Variants in MBOAT2 observed in about 807,000 individuals in gnomAD.
MBOAT2 encodes the protein membrane-bound glycerophospholipid O-acyltransferase 2.
In MBOAT2, 28 loss-of-function variants were observed where a neutral mutation model predicts 63.4. The observed-to-expected ratio is 0.44, with a 90% confidence interval of 0.33 to 0.61. MBOAT2 has a LOEUF of 0.61. Ranked by LOEUF, MBOAT2 falls within the 20% of genes least tolerant of loss-of-function variation. The pLI, the probability that MBOAT2 is intolerant of heterozygous loss-of-function variation, is 0.03. For synonymous variants in MBOAT2, 211 were observed against 215.6 expected (o/e 0.98, Z 0.19); for missense variants, 470 against 605.8 (o/e 0.78, Z 2.35).
At chr2:8,965,939 C>T (rs911549586) in intron 1 of MBOAT2, among the ~76,000 whole-genome samples, 1 of 152,132 alleles carries the variant, frequency 6.6e-6, no homozygotes, top group Non-Finnish European at 1.5e-5. Flanking sequence ...CAATCTTCAA[C>T]AAATCAATAA....
intron 8 of MBOAT2, among the ~76,000 whole-genome samples, chr2:8,870,703 T>C (rs1471396470): frequency 1.3e-5 from 2 of 152,214 alleles, no homozygotes; most frequent in Non-Finnish European, 2.9e-5. Flanking sequence ...GTTAAGACAG[T>C]ACAGACATAG....
At chr2:8,960,924 G>A (rs1303480853) in intron 1 of MBOAT2, among the ~76,000 whole-genome samples, 1 of 152,210 alleles carries the variant, frequency 6.6e-6, no homozygotes, top group African/African-American at 2.4e-5. Flanking sequence ...GGAAGCACTT[G>A]GACATGAAAG....
chr2:8,953,491 G>A (rs1217616542), intron 2 of MBOAT2, among the ~76,000 whole-genome samples: 1 of 152,178 alleles, frequency 6.6e-6, no homozygotes. Flanking sequence ...CTTCTAGCAG[G>A]ATTAGGGAAG....
At chr2:8,938,508 A>G (rs566271514) in intron 3 of MBOAT2, among the ~76,000 whole-genome samples, 95 of 149,984 alleles carry the variant, frequency 6.3e-4, no homozygotes, top group Non-Finnish European at 1.3e-3. Flanking sequence ...ATGCCGCCAC[A>G]TTTTATGCTG....
intron 3 of MBOAT2, among the ~76,000 whole-genome samples, chr2:8,926,749 C>G (rs962778861): frequency 6.6e-6 from 1 of 152,150 alleles, no homozygotes; most frequent in African/African-American, 2.4e-5. Flanking sequence ...CAGCAAAGCA[C>G]AGCACAGACC....
intron 1 of MBOAT2, among the ~76,000 whole-genome samples, chr2:8,975,604 A>T (rs570469466): frequency 6.6e-6 from 1 of 152,242 alleles, no homozygotes; most frequent in East Asian, 1.9e-4. Context: ...TCCTAAAGGG[A>T]AACATTAATT....
At chr2:8,962,165 A>C (rs1353793109) in intron 1 of MBOAT2, among the ~76,000 whole-genome samples, 1 of 152,208 alleles carries the variant, frequency 6.6e-6, no homozygotes, top group African/African-American at 2.4e-5. Context: ...AATCTTCACA[A>C]TAACCCTATG....
At chr2:8,896,236 C>G (rs1664457836) in intron 4 of MBOAT2, among the ~76,000 whole-genome samples, 1 of 117,060 alleles carries the variant, frequency 8.5e-6, no homozygotes, top group Admixed American at 9.8e-5. Context: ...GAGACTCCGT[C>G]TCAAAAAAAA....
At chr2:8,968,827 GA>G (rs1670218459) in intron 1 of MBOAT2, among the ~76,000 whole-genome samples, 1 of 152,086 alleles carries the variant, frequency 6.6e-6, no homozygotes, top group Non-Finnish European at 1.5e-5. Flanking sequence ...GAACTTTAGA[GA>G]AAAAAGAGTA....
At chr2:8,869,500 A>C (rs928786027) in intron 8 of MBOAT2, among the ~76,000 whole-genome samples, 1 of 152,248 alleles carries the variant, frequency 6.6e-6, no homozygotes, top group Non-Finnish European at 1.5e-5. Flanking sequence ...ATGACCAAAG[A>C]AAAAACAAAC....
rs61107364 is a variant in MBOAT2, at chr2:8,944,648, GACAC to G, written c.222-1388_222-1385del. On this transcript the variant is annotated intron_variant, in intron 2 of 12. Coordinates refer to ENST00000305997, the MANE Select transcript of MBOAT2 (RefSeq NM_138799.4). ...AATAGGTCAGTCTATCTGTTTGACT[GACAC>G]ACACACACACACACACACACACACA... is the stretch of plus-strand genomic sequence containing the variant. 2.3e-3 allele frequency among the ~76,000 whole-genome samples: 322 copies of G among 140,152 alleles called. 2 individuals are homozygous for G. The highest frequency in any genetic ancestry group is 0.023 in the South Asian group (96 of 4,248). The allele number at this position is 140,152 out of a possible 152,430, so 91.9% of individuals were successfully genotyped here. A position where few individuals can be genotyped will look rare whatever the true frequency, so the allele number is the denominator to read the frequency against.
At chr2:8,930,126 G>A (rs546444258) in intron 3 of MBOAT2, among the ~76,000 whole-genome samples, 6 of 152,090 alleles carry the variant, frequency 3.9e-5, no homozygotes, top group Non-Finnish European at 5.9e-5. Context: ...TTGCCATGCC[G>A]CTGCAAGGTT....
intron 4 of MBOAT2, among the ~76,000 whole-genome samples, chr2:8,892,574 T>C (rs1558580769): frequency 6.6e-6 from 1 of 152,208 alleles, no homozygotes; most frequent in Non-Finnish European, 1.5e-5. Flanking sequence ...GCTATGAAAT[T>C]TATACTGTAC....
rs1661082367 is a variant in MBOAT2, at chr2:8,856,315, ACACACAC to A, written c.*2357_*2363del. 1.4e-5 allele frequency: 2 copies of A among 145,734 alleles called. No individual in the cohort carries two copies. The highest frequency in any genetic ancestry group is 3.1e-5 in the Non-Finnish European group (2 of 65,478). The allele number at this position is 145,734 out of a possible 1,614,324, so 9.0% of individuals were successfully genotyped here. A position where few individuals can be genotyped will look rare whatever the true frequency, so the allele number is the denominator to read the frequency against. On this transcript the variant is annotated 3_prime_UTR_variant, in exon 13 of 13. Transcript: ENST00000305997. This position sits in a 1 kb window ranked among gnomAD's most constrained non-coding sequence, Gnocchi z 4.2. ...TAGATAGGCTGAACCAAAAAAAAACACACACACACACACACACACACACACGAACAAA... is the reference window on the plus strand; with the variant it reads ...TAGATAGGCTGAACCAAAAAAAAACAACACACACACACACACACGAACAAA...
At chr2:8,887,928 C>G in intron 5 of MBOAT2, 90 bp downstream of exon 5, 1 of 1,192,826 alleles carries the variant, frequency 8.4e-7, no homozygotes, top group Non-Finnish European at 1.2e-6. Context: ...TTTCCTTACT[C>G]TAATAGCAGA....
intron 6 of MBOAT2, among the ~76,000 whole-genome samples, chr2:8,880,766 G>A (rs1663060436): frequency 6.6e-6 from 1 of 152,196 alleles, no homozygotes; most frequent in Non-Finnish European, 1.5e-5. Context: ...AGTGAAGAAG[G>A]TATTTCAGAA....
At chr2:8,930,237 C>T (rs574795712) in intron 3 of MBOAT2, among the ~76,000 whole-genome samples, 3 of 152,362 alleles carry the variant, frequency 2.0e-5, no homozygotes, top group South Asian at 2.1e-4. Flanking sequence ...TCCTGCTGCA[C>T]GTACTTCCCA....
intron 1 of MBOAT2, among the ~76,000 whole-genome samples, chr2:8,995,672 G>T (rs1279532438): frequency 6.8e-6 from 1 of 147,214 alleles, no homozygotes; most frequent in Non-Finnish European, 1.5e-5. Flanking sequence ...CTCACTGCAA[G>T]CTCTGCCTCC....
intron 6 of MBOAT2, among the ~76,000 whole-genome samples, chr2:8,879,207 T>C (rs1662927590): frequency 6.6e-6 from 1 of 152,204 alleles, no homozygotes; most frequent in Admixed American, 6.5e-5. Flanking sequence ...ACAGCATGCT[T>C]TCTCACTGTA....
Sources: allele counts gnomAD v4.1 joint callset (sites outside exome capture counted in the v4.1 genomes callset), GRCh38; gene constraint gnomAD v4.1.1; non-coding constraint Gnocchi (gnomAD v3.1); transcripts MANE v1.5; gene names NCBI Gene and HGNC (gene_info 2026-07-23, HGNC 2026-07-21).